The following SYNJ1 variants were observed in gnomAD, a reference collection of about 807,000 sequenced individuals.
SYNJ1 encodes the protein polyphosphatidylinositol phosphatase SYNJ1.
A neutral mutation model predicts 168.2 loss-of-function variants in SYNJ1; 78 were observed. That is an observed-to-expected ratio of 0.46 (90% CI 0.39 to 0.56). The LOEUF is 0.56. Ranked by LOEUF, SYNJ1 falls within the 20% of genes least tolerant of loss-of-function variation. SYNJ1 has a pLI of 0.00. For synonymous variants in SYNJ1, 539 were observed against 548.6 expected, an observed-to-expected ratio of 0.98 and a Z score of 0.24; for missense variants, 1,303 against 1,597.6, an observed-to-expected ratio of 0.82 and a Z score of 3.14.
chr21:32,666,441 A>T lies in SYNJ1; in HGVS notation c.1944T>A (p.Pro648=). 1 of 1,613,642 alleles carries T rather than the reference A, an allele frequency of 6.2e-7. No homozygotes were observed. The highest frequency in any genetic ancestry group is 1.1e-5 in the South Asian group (1 of 90,922). The change falls in exon 16 of 33, where the codon CCT becomes CCA. Residue 648 remains proline (P), a synonymous_variant. Coordinates refer to ENST00000674351, the MANE Select transcript of SYNJ1 (RefSeq NM_203446.3). ...LFVFIRPQHA[P]FIRDVAVDTV... ...GTGTTCTGTTTACTGACCTGATAAA[A>T]GGAGCATGCTGTGGTCTGATAAAAA...
rs368736353 is a variant in SYNJ1 at position 32,666,145 on chromosome 21, A to G, written c.1953-10T>C. The G allele has an allele frequency of 3.0e-5, 47 of 1,580,744 alleles. No individual in the cohort carries two copies. In the African/African-American group the frequency reaches 3.5e-4, roughly 12 times the overall value. On this transcript the variant is annotated splice_polypyrimidine_tract_variant and intron_variant, in intron 16 of 32. Coordinates refer to ENST00000674351, the MANE Select transcript of SYNJ1 (RefSeq NM_203446.3). ...ATCAACTGCAACATCCCTTTGAAACAAAGAATTCTAAATCGCAGATTTGAA... is the reference window on the plus strand; with the variant it reads ...ATCAACTGCAACATCCCTTTGAAACGAAGAATTCTAAATCGCAGATTTGAA...
At chr21:32,702,106 T>C in intron 2 of SYNJ1, 59 bp from the exon 3 acceptor site, 1 of 1,220,352 alleles carries the variant, frequency 8.2e-7, no homozygotes, top group East Asian at 2.4e-5. Flanking sequence ...TCTATTTAGC[T>C]AAGTATAAAT....
At chr21:32,646,867 T>C (rs918130048) in intron 23 of SYNJ1, among the ~76,000 whole-genome samples, 1 of 152,108 alleles carries the variant, frequency 6.6e-6, no homozygotes, top group African/African-American at 2.4e-5. Flanking sequence ...CCAATGGGCT[T>C]TCAATATGCC....
chr21:32,714,739 CCAAA>C (rs754458363), intron 2 of SYNJ1, among the ~76,000 whole-genome samples: 1 of 152,234 alleles, frequency 6.6e-6, no homozygotes, highest in East Asian at 1.9e-4. Flanking sequence ...TTGGTAGCCA[CCAAA>C]CAGTTTGTGA....
intron 2 of SYNJ1, among the ~76,000 whole-genome samples, chr21:32,712,240 G>A (rs1412492870): frequency 2.0e-5 from 3 of 152,150 alleles, no homozygotes; most frequent in Admixed American, 6.5e-5. Flanking sequence ...TTTGTGGTGA[G>A]CTTATTTGCA....
chr21:32,692,592 A>G (rs2146147358), intron 6 of SYNJ1, among the ~76,000 whole-genome samples: 1 of 152,092 alleles, frequency 6.6e-6, no homozygotes, highest in East Asian at 1.9e-4. Context: ...AAAATCCATA[A>G]TTTTCCACCT....
chr21:32,689,314 G>C (rs1360157800), intron 6 of SYNJ1, among the ~76,000 whole-genome samples: 2 of 151,954 alleles, frequency 1.3e-5, no homozygotes, highest in African/African-American at 2.4e-5. Flanking sequence ...TTTTTTTTGT[G>C]GGGGACGGAG....
intron 3 of SYNJ1, among the ~76,000 whole-genome samples, chr21:32,700,505 A>C (rs950577611): frequency 6.6e-6 from 1 of 152,052 alleles, no homozygotes; most frequent in Admixed American, 6.5e-5. Context: ...AAATACAAAA[A>C]CTAGCTGGGC....
intron 16 of SYNJ1, 63 bp downstream of exon 16, chr21:32,666,352 CTGAAACAATAAACATTCT>C: frequency 6.5e-7 from 1 of 1,538,048 alleles, no homozygotes; most frequent in South Asian, 1.3e-5. Flanking sequence ...GTTTGAAGAA[CTGAAACAATAAACATTCT>C]AGGCTTTTTT....
rs763757097 is a variant in SYNJ1 at position 32,656,829 on chromosome 21, C to T, written c.2653G>A (p.Val885Ile). ...TCTGGTGGACCCTGAACTGCAATTA[C>T]TTCTTTATAAATGTTTTGCCTCTCT... ...AEERQNIYKEVIAVQGPPDGT... is the reference protein window; with the variant it reads ...AEERQNIYKEIIAVQGPPDGT... The change falls in exon 21 of 33, where the codon GTA becomes ATA. Residue 885 changes from valine (V) to isoleucine (I), a missense_variant. This residue lies in a region of SYNJ1 where 920 missense variants were observed against 1,208.8 expected (regional missense o/e 0.76). Transcript: ENST00000674351. 2 of 1,614,154 alleles carry T rather than the reference C, an allele frequency of 1.2e-6. No individual in the cohort carries two copies. Among genetic ancestry groups the T allele is most frequent in the Non-Finnish European group, 1.7e-6 (2 of 1,180,028 alleles).
In SYNJ1 at chr21:32,695,526, T is replaced by C. The variant is rs1265872362; in HGVS notation, c.480-244A>G. 3.3e-5 allele frequency among the ~76,000 whole-genome samples: 5 copies of C among 152,232 alleles called. No individual in the cohort carries two copies. In the South Asian group the frequency reaches 8.3e-4, roughly 25 times the overall value. On this transcript the variant is annotated intron_variant, in intron 4 of 32. Transcript: ENST00000674351. ...TTGTGTTTTTAGTATCTGTGGCCCA[T>C]TTCTGTTATGTCTTTATATATAATG... is the stretch of plus-strand genomic sequence containing the variant.
At chr21:32,709,578 C>T (rs187658983) in intron 2 of SYNJ1, among the ~76,000 whole-genome samples, 136 of 145,780 alleles carry the variant, frequency 9.3e-4, no homozygotes, top group South Asian at 2.9e-3. Context: ...AGTGCAGTGA[C>T]GCGATCTTGG....
intron 23 of SYNJ1, among the ~76,000 whole-genome samples, 198 bp from the exon 24 acceptor site, chr21:32,646,800 T>C (rs908618798): frequency 2.6e-5 from 4 of 152,216 alleles, no homozygotes; most frequent in African/African-American, 9.7e-5. Flanking sequence ...TGTAAAGGTA[T>C]CTATTGTCTC....
chr21:32,682,678 C>G (rs948767920), intron 10 of SYNJ1, among the ~76,000 whole-genome samples: 5 of 152,096 alleles, frequency 3.3e-5, no homozygotes, highest in African/African-American at 1.2e-4. Flanking sequence ...ACTTTGTAAC[C>G]TGTCAACCAA....
At chr21:32,703,394 C>T (rs1211194243) in intron 2 of SYNJ1, among the ~76,000 whole-genome samples, 2 of 152,142 alleles carry the variant, frequency 1.3e-5, no homozygotes, top group African/African-American at 2.4e-5. Context: ...CCTAACATTC[C>T]ATGACAAGCA....
chr21:32,708,730 C>A (rs1000540046), intron 2 of SYNJ1, among the ~76,000 whole-genome samples: 10 of 151,344 alleles, frequency 6.6e-5, no homozygotes, highest in Non-Finnish European at 1.2e-4. Flanking sequence ...ATACTCAACA[C>A]CATCTTTCAT....
intron 4 of SYNJ1, among the ~76,000 whole-genome samples, chr21:32,695,602 C>T (rs956934782): frequency 1.3e-5 from 2 of 151,524 alleles, no homozygotes; most frequent in African/African-American, 4.8e-5. Flanking sequence ...ATGTCCCCAC[C>T]CCAATTTATG....
At chr21:32,663,563 T>C (rs1045302876) in intron 18 of SYNJ1, among the ~76,000 whole-genome samples, 2 of 152,208 alleles carry the variant, frequency 1.3e-5, no homozygotes, top group African/African-American at 4.8e-5. Flanking sequence ...TTCTTCCTAC[T>C]GCCCATAAAG....
At position 32,664,967 on chromosome 21, in the gene SYNJ1, A is replaced by G; in HGVS notation, c.2250T>C (p.Asn750=). The G allele has an allele frequency of 6.2e-7, 1 of 1,613,438 alleles. No individual in the cohort carries two copies. Among genetic ancestry groups the G allele is most frequent in the East Asian group, 2.2e-5 (1 of 44,824 alleles). ...EEVKELIRQQ[N]WDSLIAGDQL... is the part of the protein sequence containing the mutation. ...GATCTCCTGCTATAAGAGAATCCCA[A>G]TTTTGCTGTCTTATGAGCTCTTTAA... The change falls in exon 18 of 33, where the codon AAT becomes AAC. Residue 750 remains asparagine (N), a synonymous_variant. Coordinates refer to ENST00000674351, the MANE Select transcript of SYNJ1 (RefSeq NM_203446.3).
Sources: gnomAD v4.1 joint callset for allele counts (sites outside exome capture counted in the v4.1 genomes callset) on GRCh38, gnomAD v4.1.1 for gene constraint, gnomAD v4.1.1 regional missense constraint, MANE v1.5 for transcripts, NCBI Gene and HGNC (gene_info 2026-07-23, HGNC 2026-07-21) for gene names.